The following ADGRV1 variants were observed in gnomAD, a reference collection of about 807,000 sequenced individuals.
ADGRV1 encodes the protein adhesion G protein-coupled receptor V1.
ADGRV1 carries 359 observed loss-of-function variants against 596.2 expected under a neutral mutation model. That is an observed-to-expected ratio of 0.60 (90% confidence interval 0.55 to 0.66). ADGRV1 has a LOEUF of 0.66. Among genes scored for constraint, ADGRV1 ranks in the 30% least tolerant of loss-of-function variants. The pLI, the probability that ADGRV1 is intolerant of heterozygous loss-of-function variation, is 0.00. For synonymous variants in ADGRV1, 2,681 were observed against 2,679.2 expected (o/e 1.00, Z -0.02); for missense variants, 7,274 against 7,575.6 (o/e 0.96, Z 1.48).
intron 83 of ADGRV1, among the ~76,000 whole-genome samples, chr5:90,958,348 A>G (rs1777689977): frequency 6.6e-6 from 1 of 151,952 alleles, no homozygotes; most frequent in Non-Finnish European, 1.5e-5. Flanking sequence ...TATTTTGGAT[A>G]ATTTCAATAG....
Position 91,148,478 on chromosome 5 carries a change from G to T in ADGRV1, c.18433-1552G>T, listed in dbSNP as rs959890775. Among the ~76,000 whole-genome samples, 3 of 152,200 alleles carry T rather than the reference G, an allele frequency of 2.0e-5. No homozygotes were observed. In the East Asian group the frequency reaches 5.8e-4, roughly 29 times the overall value. On this transcript the variant is annotated intron_variant, in intron 87 of 89. Coordinates refer to ENST00000405460, the MANE Select transcript of ADGRV1 (RefSeq NM_032119.4). ...CACCCAGCCTTGGCAGCTTCCACAT[G>T]GTGCTGGTCCTGTGGGTACACAGAA...
intron 9 of ADGRV1, among the ~76,000 whole-genome samples, chr5:90,633,620 A>C (rs979562791): frequency 6.6e-6 from 1 of 151,892 alleles, no homozygotes; most frequent in Non-Finnish European, 1.5e-5. Flanking sequence ...AAATAAATAT[A>C]TATGTGTATA....
intron 64 of ADGRV1, 142 bp downstream of exon 64, chr5:90,779,239 C>A: frequency 2.1e-6 from 1 of 470,874 alleles, no homozygotes; most frequent in Non-Finnish European, 3.8e-6. Context: ...TAGAACAGGA[C>A]ATACAAGGGA....
chr5:90,647,931 G>A (rs1027862705), intron 17 of ADGRV1, among the ~76,000 whole-genome samples, 167 bp downstream of exon 17: 17 of 134,656 alleles, frequency 1.3e-4, no homozygotes, highest in Non-Finnish European at 2.5e-4. Flanking sequence ...AAGAATGTAT[G>A]TGTTGAACCT....
At chr5:91,091,537 C>G (rs1292394533) in intron 86 of ADGRV1, 1 of 152,006 alleles carries the variant, frequency 6.6e-6, no homozygotes, top group African/African-American at 2.4e-5. Flanking sequence ...TATCTCAATG[C>G]TTCTGTGAGC....
At chr5:90,662,212 C>T (rs553489939) in intron 21 of ADGRV1, among the ~76,000 whole-genome samples, 82 of 106,854 alleles carry the variant, frequency 7.7e-4, no homozygotes, top group African/African-American at 3.0e-3. Flanking sequence ...TTTTTTGAGA[C>T]GGAGTCACGC....
intron 83 of ADGRV1, among the ~76,000 whole-genome samples, chr5:90,888,650 C>T (rs555863760): frequency 6.6e-6 from 1 of 152,088 alleles, no homozygotes; most frequent in African/African-American, 2.4e-5. Flanking sequence ...CATTGTACTG[C>T]AGATTTGCTT....
intron 58 of ADGRV1, chr5:90,762,977 A>G (rs979232525): frequency 1.7e-5 from 3 of 179,960 alleles, no homozygotes; most frequent in South Asian, 1.5e-4. Context: ...CACCTGCCAA[A>G]TGGAAAAGTA....
rs564103700 is a variant in ADGRV1, at chr5:90,892,304, A to G, written c.17856+28447A>G. Reference sequence around the variant, plus strand: ...TACTTTCTGATTCAAATTGTCCAACACAGTGTTATAATAATTTATGAGACT... The same window carrying G: ...TACTTTCTGATTCAAATTGTCCAACGCAGTGTTATAATAATTTATGAGACT... On this transcript the variant is annotated intron_variant, in intron 83 of 89. Transcript: ENST00000405460. Among the ~76,000 whole-genome samples the G allele has an allele frequency of 3.1e-3, 472 of 152,212 alleles. 1 individual carries two copies. The highest frequency in any genetic ancestry group is 0.01 in the African/African-American group (435 of 41,558).
chr5:90,710,990 G>C lies in ADGRV1; in HGVS notation c.8834G>C (p.Gly2945Ala), dbSNP rs769717284. The C allele has an allele frequency of 6.2e-7, 1 of 1,602,710 alleles. No individual in the cohort carries two copies. The highest frequency in any genetic ancestry group is 1.3e-5 in the African/African-American group (1 of 74,646). Residue 2945 changes from glycine (G) to alanine (A), a missense_variant, in exon 40 of 90, where the codon GGT becomes GCT. By Grantham distance (60) the Gly-to-Ala change is moderately conservative. Transcript: ENST00000405460. Reference sequence around the variant, plus strand: ...TTCTATGTTTTTTAAGATTCAGAAGGTTTGACTGCACAAGTTATTATTGAT... The same window carrying C: ...TTCTATGTTTTTTAAGATTCAGAAGCTTTGACTGCACAAGTTATTATTGAT... ...TSFPPRLDSE[G>A]LTAQVIIDAN...
At chr5:90,733,400 G>A (rs1402329339) in intron 50 of ADGRV1, among the ~76,000 whole-genome samples, 1 of 152,110 alleles carries the variant, frequency 6.6e-6, no homozygotes, top group Non-Finnish European at 1.5e-5. Context: ...TGGAGTTAAA[G>A]GTTTGGATTT....
intron 50 of ADGRV1, among the ~76,000 whole-genome samples, chr5:90,735,749 G>T (rs1344894364): frequency 6.6e-6 from 1 of 151,808 alleles, no homozygotes; most frequent in Admixed American, 6.6e-5. Context: ...TTGTAAATAG[G>T]CTTGTTTTCT....
intron 85 of ADGRV1, among the ~76,000 whole-genome samples, chr5:90,995,865 C>G (rs577879593): frequency 6.6e-6 from 1 of 152,154 alleles, no homozygotes; most frequent in Non-Finnish European, 1.5e-5. Context: ...ATTGTGCCCC[C>G]GCTCTAGGGC....
intron 9 of ADGRV1, among the ~76,000 whole-genome samples, chr5:90,630,681 C>A (rs1271525743): frequency 1.3e-5 from 2 of 152,168 alleles, no homozygotes; most frequent in Non-Finnish European, 2.9e-5. Flanking sequence ...ATGAAATATT[C>A]TATTTCACTA....
At chr5:91,027,570 C>T (rs1027780994) in intron 85 of ADGRV1, among the ~76,000 whole-genome samples, 3 of 152,158 alleles carry the variant, frequency 2.0e-5, no homozygotes, top group African/African-American at 7.2e-5. Context: ...TGGCTCTGCT[C>T]TGTGCTGAAG....
chr5:90,587,559 T>C (rs12109925), intron 1 of ADGRV1, among the ~76,000 whole-genome samples: 3 of 138,244 alleles, frequency 2.2e-5, no homozygotes, highest in African/African-American at 1.0e-4. Flanking sequence ...CTGTGTCTTT[T>C]TTTTTTTTTT....
intron 34 of ADGRV1, among the ~76,000 whole-genome samples, chr5:90,702,956 C>T (rs1748096299): frequency 6.6e-6 from 1 of 151,966 alleles, no homozygotes; most frequent in Non-Finnish European, 1.5e-5. Context: ...CATTAGCACG[C>T]TCCCTAACAG....
intron 77 of ADGRV1, among the ~76,000 whole-genome samples, chr5:90,835,583 G>A (rs1049710923): frequency 1.3e-5 from 2 of 152,080 alleles, no homozygotes; most frequent in Admixed American, 1.3e-4. Flanking sequence ...AAAAATAAAG[G>A]CAAGAAAAAT....
chr5:90,582,099 C>T (rs1758136191), intron 1 of ADGRV1, among the ~76,000 whole-genome samples: 1 of 149,700 alleles, frequency 6.7e-6, no homozygotes, highest in Admixed American at 6.7e-5. Context: ...TGCTTTATGA[C>T]CAAGCATGTG....
Sources: allele counts gnomAD v4.1 joint callset (sites outside exome capture counted in the v4.1 genomes callset), GRCh38; gene constraint gnomAD v4.1.1; transcripts MANE v1.5; gene names NCBI Gene and HGNC (gene_info 2026-07-23, HGNC 2026-07-21).